Variants in NELL2 observed in about 807,000 individuals in gnomAD.
NELL2 encodes the protein protein kinase C-binding protein NELL2.
In NELL2, 41 loss-of-function variants were observed where a neutral mutation model predicts 109.6. The observed-to-expected ratio is 0.37, with a 90% CI of 0.29 to 0.49. The LOEUF is 0.49. Ranked by LOEUF, NELL2 falls within the 20% of genes least tolerant of loss-of-function variation. The pLI is 0.98. For synonymous variants in NELL2, 355 were observed against 344.7 expected, an observed-to-expected ratio of 1.03 and a Z score of -0.33; for missense variants, 900 against 1,008.3, an observed-to-expected ratio of 0.89 and a Z score of 1.45.
intron 15 of NELL2, among the ~76,000 whole-genome samples, chr12:44,556,645 G>A (rs1201180275): frequency 6.6e-6 from 1 of 152,180 alleles, no homozygotes; most frequent in Non-Finnish European, 1.5e-5. Context: ...TACTAACCCA[G>A]CTAAGATCCA....
intron 1 of NELL2, among the ~76,000 whole-genome samples, chr12:44,898,110 A>T (rs988765558): frequency 6.6e-6 from 1 of 152,186 alleles, no homozygotes; most frequent in Non-Finnish European, 1.5e-5. Flanking sequence ...AGCTCTAGTC[A>T]GGGGCTTATA....
chr12:44,728,265 G>A (rs906224153), intron 9 of NELL2, among the ~76,000 whole-genome samples: 1 of 151,870 alleles, frequency 6.6e-6, no homozygotes, highest in Non-Finnish European at 1.5e-5. Flanking sequence ...TGACCAAACA[G>A]ATATTTAGAA....
chr12:44,567,101 C>A (rs565764162), intron 15 of NELL2, among the ~76,000 whole-genome samples: 9 of 152,150 alleles, frequency 5.9e-5, no homozygotes, highest in Non-Finnish European at 1.2e-4. Flanking sequence ...TGAGCCACTG[C>A]GTCTGGCCTA....
At chr12:44,645,323 T>C (rs988234817) in intron 13 of NELL2, among the ~76,000 whole-genome samples, 2 of 152,190 alleles carry the variant, frequency 1.3e-5, no homozygotes, top group African/African-American at 2.4e-5. Flanking sequence ...ATACTGGAGA[T>C]AGCAAAAGCA....
chr12:44,814,513 T>C (rs1943274805), intron 3 of NELL2, among the ~76,000 whole-genome samples: 1 of 152,054 alleles, frequency 6.6e-6, no homozygotes, highest in Admixed American at 6.5e-5. Flanking sequence ...GGCCTCTCCC[T>C]GCAACCAAAA....
At position 44,518,534 on chromosome 12, in the gene NELL2, C is replaced by T. The variant is rs542430689; in HGVS notation, c.2400+1471G>A. On this transcript the variant is annotated intron_variant, in intron 19 of 19. Transcript: ENST00000429094. The stretch of plus-strand genomic sequence containing the variant: ...TGCTGGGATTACAGGCGTGAGCCAC[C>T]GTGCCCGGCCTCATTCAAATTCTTT... Among the ~76,000 whole-genome samples the T allele has an allele frequency of 5.3e-5, 8 of 152,236 alleles. 1 individual carries two copies. The highest frequency in any genetic ancestry group is 1.2e-4 in the African/African-American group (5 of 41,556).
chr12:44,896,286 A>G lies in NELL2; in HGVS notation c.38+17513T>C, dbSNP rs1945591969. Among the ~76,000 whole-genome samples, 3 of 152,218 alleles carry G rather than the reference A, an allele frequency of 2.0e-5. No individual in the cohort carries two copies. In the South Asian group the frequency reaches 6.2e-4, roughly 32 times the overall value. On this transcript the variant is annotated intron_variant, in intron 1 of 20. Transcript: ENST00000333837. The stretch of plus-strand genomic sequence containing the variant: ...ATGAAATACACAGCAAAGTTTAAAA[A>G]AAGAAGAAAATGTATATTTTAGTTC...
At chr12:44,722,455 C>T (rs1325657302) in intron 9 of NELL2, among the ~76,000 whole-genome samples, 2 of 152,232 alleles carry the variant, frequency 1.3e-5, no homozygotes, top group East Asian at 3.9e-4. Context: ...TGTGAGCCAC[C>T]ACACCCCACC....
At chr12:44,617,996 G>A (rs1945904575) in intron 13 of NELL2, among the ~76,000 whole-genome samples, 1 of 151,944 alleles carries the variant, frequency 6.6e-6, no homozygotes, top group Non-Finnish European at 1.5e-5. Context: ...ATTACATCAG[G>A]GGAAAATTGC....
intron 15 of NELL2, among the ~76,000 whole-genome samples, chr12:44,575,931 G>A (rs1013854531): frequency 3.9e-5 from 6 of 152,098 alleles, no homozygotes; most frequent in African/African-American, 1.4e-4. Flanking sequence ...AAATGTTAAT[G>A]ACCTACAAGC....
At chr12:44,686,859 T>G (rs998691360) in intron 12 of NELL2, among the ~76,000 whole-genome samples, 46 of 152,204 alleles carry the variant, frequency 3.0e-4, no homozygotes, top group Non-Finnish European at 1.0e-4. Flanking sequence ...AGGTTACTGC[T>G]GTCTTTTTGT....
chr12:44,745,326 A>T (rs1180098325), intron 9 of NELL2, among the ~76,000 whole-genome samples: 1 of 152,184 alleles, frequency 6.6e-6, no homozygotes, highest in African/African-American at 2.4e-5. Flanking sequence ...AATCTATGAC[A>T]AACCCACAGC....
In NELL2 at chr12:44,595,593, ATTTTT is replaced by A. The variant is rs57566164; in HGVS notation, c.1663+11571_1663+11575del. ...AGGCGCCTGCCACCACACCCAGCTA[ATTTTT>A]TTTTTTTTTTTTTTTTGTATTTTTA... is the stretch of plus-strand genomic sequence containing the variant. On this transcript the variant is annotated intron_variant, in intron 15 of 19. Coordinates refer to ENST00000429094, the MANE Select transcript of NELL2 (RefSeq NM_001145108.2). Among the ~76,000 whole-genome samples the A allele has an allele frequency of 7.9e-3, 961 of 121,326 alleles. 11 individuals are homozygous for A. The highest frequency in any genetic ancestry group is 0.028 in the African/African-American group (896 of 31,792). The allele number at this position is 121,326 out of a possible 152,430, so 79.6% of individuals were successfully genotyped here.
At chr12:44,805,100 AAAG>A (rs1942955988) in intron 3 of NELL2, among the ~76,000 whole-genome samples, 1 of 151,888 alleles carries the variant, frequency 6.6e-6, no homozygotes, top group Admixed American at 6.6e-5. Context: ...TAGTAATTTC[AAAG>A]AAGATAATAG....
chr12:44,877,154 G>A (rs1354079113), upstream of NELL2: 2 of 153,226 alleles, frequency 1.3e-5, no homozygotes, highest in Middle Eastern at 6.7e-3. Flanking sequence ...GTTAGAGAGA[G>A]AGAGAGAGAG....
chr12:44,654,733 T>G (rs1375244338), intron 13 of NELL2, among the ~76,000 whole-genome samples: 1 of 152,088 alleles, frequency 6.6e-6, no homozygotes, highest in Non-Finnish European at 1.5e-5. Context: ...AAACCATGAC[T>G]TGTCATGAAT....
intron 9 of NELL2, among the ~76,000 whole-genome samples, chr12:44,773,674 A>G (rs1941638557): frequency 6.6e-6 from 1 of 152,214 alleles, no homozygotes; most frequent in African/African-American, 2.4e-5. Context: ...CAAGGAAATT[A>G]GCTAGTGACA....
At chr12:44,796,811 C>T (rs577490776) in intron 3 of NELL2, among the ~76,000 whole-genome samples, 52 of 152,074 alleles carry the variant, frequency 3.4e-4, no homozygotes, top group African/African-American at 9.9e-4. Context: ...GCCCTAGCAT[C>T]CAACATGATG....
intron 12 of NELL2, among the ~76,000 whole-genome samples, chr12:44,696,971 T>C (rs1024258144): frequency 1.3e-5 from 2 of 152,122 alleles, no homozygotes; most frequent in African/African-American, 4.8e-5. Flanking sequence ...TATAATAAAG[T>C]ACAGTAAGGC....
Sources: allele counts gnomAD v4.1 joint callset (sites outside exome capture counted in the v4.1 genomes callset), GRCh38; gene constraint gnomAD v4.1.1; transcripts MANE v1.5; gene names NCBI Gene and HGNC (gene_info 2026-07-23, HGNC 2026-07-21).